The following CHMP3 variants were observed in gnomAD, a reference collection of about 807,000 sequenced individuals.
CHMP3 encodes 25.1 protein.
In CHMP3, 8 loss-of-function variants were observed where a neutral mutation model predicts 27.4. That is an observed-to-expected ratio of 0.29 (90% CI 0.17 to 0.53). The LOEUF (loss-of-function observed/expected upper bound fraction) is 0.53, where lower values mean the gene tolerates loss of function less well. Among genes scored for constraint, CHMP3 ranks in the 20% least tolerant of loss-of-function variants. The pLI is 0.96. For synonymous variants in CHMP3, 86 were observed against 85.5 expected (o/e 1.01, Z -0.03); for missense variants, 208 against 271.5 (o/e 0.77, Z 1.64).
At chr2:86,531,405 G>T (rs1189985703) in intron 2 of CHMP3, among the ~76,000 whole-genome samples, 1 of 152,110 alleles carries the variant, frequency 6.6e-6, no homozygotes. Context: ...ATGTTGCTCA[G>T]GGTGTAGTGC....
chr2:86,559,925 CG>C (rs1677280134), intron 1 of CHMP3, among the ~76,000 whole-genome samples: 1 of 152,134 alleles, frequency 6.6e-6, no homozygotes, highest in Non-Finnish European at 1.5e-5. Flanking sequence ...CTGTATTAGT[CG>C]GTTCTTACAT....
At chr2:86,553,373 C>T (rs971876727) in intron 1 of CHMP3, among the ~76,000 whole-genome samples, 3 of 152,156 alleles carry the variant, frequency 2.0e-5, no homozygotes, top group African/African-American at 7.2e-5. Context: ...TGCTCTGTCG[C>T]CAGCCTGGAG....
intron 3 of CHMP3, chr2:86,510,804 AAG>A (rs1675075765): frequency 3.8e-6 from 1 of 265,850 alleles, no homozygotes; most frequent in South Asian, 4.3e-5. Context: ...AAATGGGAGA[AAG>A]AGCTCCAGAC....
chr2:86,552,376 CA>C (rs760628197), intron 1 of CHMP3, among the ~76,000 whole-genome samples: 1 of 152,124 alleles, frequency 6.6e-6, no homozygotes, highest in Non-Finnish European at 1.5e-5. Flanking sequence ...CAAATAGCCC[CA>C]GCTAATAAGG....
intron 1 of CHMP3, among the ~76,000 whole-genome samples, chr2:86,547,694 C>T (rs1273705719): frequency 6.6e-6 from 1 of 152,128 alleles, no homozygotes; most frequent in East Asian, 1.9e-4. Context: ...AGTCTCATAA[C>T]TGTAAAGACT....
At chr2:86,554,053 A>T (rs967221682) in intron 1 of CHMP3, among the ~76,000 whole-genome samples, 1 of 152,142 alleles carries the variant, frequency 6.6e-6, no homozygotes, top group Non-Finnish European at 1.5e-5. Context: ...TTAGGAATGG[A>T]ATTAATGCCC....
intron 1 of CHMP3, chr2:86,561,589 T>A (rs1677369255): frequency 6.6e-6 from 1 of 152,114 alleles, no homozygotes; most frequent in Non-Finnish European, 1.5e-5. Flanking sequence ...TTGTCCATAA[T>A]GGGGGGAAAA....
At chr2:86,531,588 T>G (rs1675922898) in intron 2 of CHMP3, among the ~76,000 whole-genome samples, 1 of 152,198 alleles carries the variant, frequency 6.6e-6, no homozygotes, top group African/African-American at 2.4e-5. Flanking sequence ...CTAAGAGTTT[T>G]ATAGTTTTAG....
chr2:86,530,254 A>G (rs1675867232), intron 2 of CHMP3, among the ~76,000 whole-genome samples: 1 of 152,114 alleles, frequency 6.6e-6, no homozygotes. Flanking sequence ...CGGCCTCCCA[A>G]AGTGCTGAAA....
At chr2:86,543,578 T>C (rs530346873) in intron 1 of CHMP3, among the ~76,000 whole-genome samples, 2 of 152,378 alleles carry the variant, frequency 1.3e-5, no homozygotes, top group South Asian at 2.1e-4. Context: ...TTGACCTCTG[T>C]AGCCTATCAT....
intron 2 of CHMP3, among the ~76,000 whole-genome samples, chr2:86,533,504 C>A (rs1423424454): frequency 6.6e-6 from 1 of 151,830 alleles, no homozygotes; most frequent in Non-Finnish European, 1.5e-5. Flanking sequence ...GGTTGCTCAT[C>A]TGAGATTTTT....
chr2:86,546,777 A>G (rs1676624906), intron 1 of CHMP3, among the ~76,000 whole-genome samples: 1 of 152,118 alleles, frequency 6.6e-6, no homozygotes, highest in African/African-American at 2.4e-5. Flanking sequence ...GGTCATTTGT[A>G]TATCTCCTCT....
chr2:86,522,525 C>G (rs989147522), intron 3 of CHMP3, among the ~76,000 whole-genome samples: 1 of 152,148 alleles, frequency 6.6e-6, no homozygotes, highest in Admixed American at 6.5e-5. Flanking sequence ...TCTGGTCAGC[C>G]CAAGTGAAGA....
At chr2:86,543,776 G>GA (rs1374413688) in intron 1 of CHMP3, among the ~76,000 whole-genome samples, 1 of 152,064 alleles carries the variant, frequency 6.6e-6, no homozygotes, top group African/African-American at 2.4e-5. Flanking sequence ...ACTCCACTCA[G>GA]AAAAAATACT....
At chr2:86,563,115 G>A in intron 1 of CHMP3, 189 bp downstream of exon 1, 3 of 605,152 alleles carry the variant, frequency 5.0e-6, no homozygotes, top group African/African-American at 3.7e-5. Flanking sequence ...CATGGCACCA[G>A]GAGCTCTCGC....
intron 3 of CHMP3, among the ~76,000 whole-genome samples, chr2:86,526,399 T>C (rs1343629283): frequency 6.6e-6 from 1 of 152,040 alleles, no homozygotes; most frequent in Non-Finnish European, 1.5e-5. Context: ...GGTGAAAAGG[T>C]ATGGAAAAAA....
rs75079918 is a variant in CHMP3, at chr2:86,543,376, T to C, written c.46-1064A>G. Reference sequence around the variant, plus strand: ...GAAGTCACTAGTGTATTAAAAAATCTGACATATAGAGCTGGAAAGGCTAAG... The same window carrying C: ...GAAGTCACTAGTGTATTAAAAAATCCGACATATAGAGCTGGAAAGGCTAAG... On this transcript the variant is annotated intron_variant, in intron 1 of 5. Coordinates refer to ENST00000263856, the MANE Select transcript of CHMP3 (RefSeq NM_016079.4). Among the ~76,000 whole-genome samples, 260 of 152,374 alleles carry C rather than the reference T, an allele frequency of 1.7e-3. 7 individuals are homozygous for C. The East Asian group carries it at 0.048, about 28-fold the overall frequency.
At chr2:86,510,589 A>G (rs1675067495) in intron 3 of CHMP3, 110 bp from the exon 4 acceptor site, 3 of 1,452,958 alleles carry the variant, frequency 2.1e-6, no homozygotes, top group Admixed American at 4.3e-5. Context: ...GGACTCCCGA[A>G]GTTATTTGTG....
intron 1 of CHMP3, among the ~76,000 whole-genome samples, chr2:86,555,989 CT>C (rs1302477143): frequency 6.6e-6 from 1 of 152,042 alleles, no homozygotes; most frequent in African/African-American, 2.4e-5. Context: ...TGTTTTTTAA[CT>C]TAAAATATTA....
Sources: gnomAD v4.1 joint callset for allele counts (sites outside exome capture counted in the v4.1 genomes callset) on GRCh38, gnomAD v4.1.1 for gene constraint, MANE v1.5 for transcripts, NCBI Gene and HGNC (gene_info 2026-07-23, HGNC 2026-07-21) for gene names.